The following ULK4 variants were observed in gnomAD, a reference collection of about 807,000 sequenced individuals.
ULK4 encodes inactive serine/threonine-protein kinase ULK4.
Under a neutral mutation model 160.6 loss-of-function variants are expected in ULK4, and 133 were observed. The observed-to-expected ratio is 0.83, with a 90% CI of 0.72 to 0.96. ULK4 has a LOEUF of 0.96. Among genes scored for constraint, ULK4 ranks in the 40% least tolerant of loss-of-function variants. The pLI, the probability that ULK4 is intolerant of heterozygous loss-of-function variation, is 0.00. For synonymous variants in ULK4, 534 were observed against 539.8 expected, an observed-to-expected ratio of 0.99 and a Z score of 0.15; for missense variants, 1,580 against 1,499.5, an observed-to-expected ratio of 1.05 and a Z score of -0.89.
intron 17 of ULK4, among the ~76,000 whole-genome samples, chr3:41,874,748 T>C (rs762585005): frequency 6.6e-6 from 1 of 152,140 alleles, no homozygotes; most frequent in Non-Finnish European, 1.5e-5. Flanking sequence ...ACATATTGAG[T>C]ACAGTGTACA....
In ULK4 at chr3:41,280,622, C is replaced by G. The variant is rs540007581; in HGVS notation, c.3679-31048G>C. 5.8e-4 allele frequency among the ~76,000 whole-genome samples: 89 copies of G among 152,306 alleles called. 1 individual carries two copies. The highest frequency in any genetic ancestry group is 1.8e-3 in the Admixed American group (27 of 15,286). ...TCTTGGAAACCAATGAGAACAAAGA[C>G]ACAATGTACCAGAATCTCTGGGACA... is the stretch of plus-strand genomic sequence containing the variant. On this transcript the variant is annotated intron_variant, in intron 35 of 36. Transcript: ENST00000301831.
At chr3:41,880,750 C>T (rs1465779518) in intron 17 of ULK4, among the ~76,000 whole-genome samples, 2 of 152,014 alleles carry the variant, frequency 1.3e-5, no homozygotes, top group Non-Finnish European at 2.9e-5. Context: ...ATGATGAAAC[C>T]GTGTCTCTAC....
At chr3:41,761,187 G>A (rs1339620222) in intron 21 of ULK4, among the ~76,000 whole-genome samples, 2 of 151,430 alleles carry the variant, frequency 1.3e-5, no homozygotes, top group African/African-American at 4.9e-5. Context: ...AAGAGTCTAT[G>A]GATATATTAA....
chr3:41,534,129 A>G (rs1026306357), intron 32 of ULK4, among the ~76,000 whole-genome samples: 1 of 152,224 alleles, frequency 6.6e-6, no homozygotes, highest in South Asian at 2.1e-4. Flanking sequence ...CTTTATTCTT[A>G]GAGCCCAAAC....
At chr3:41,590,461 C>CAAAAAAAAA (rs71075479) in intron 31 of ULK4, among the ~76,000 whole-genome samples, 656 of 55,796 alleles carry the variant, frequency 0.012, no homozygotes, top group Non-Finnish European at 0.015. Flanking sequence ...ACTAAAAATA[C>CAAAAAAAAA]AAAAAAAAAA....
At chr3:41,905,500 T>C (rs1022308914) in intron 12 of ULK4, among the ~76,000 whole-genome samples, 1 of 152,010 alleles carries the variant, frequency 6.6e-6, no homozygotes, top group Non-Finnish European at 1.5e-5. Context: ...AATTGGACTA[T>C]ATCAAAATTT....
intron 22 of ULK4, among the ~76,000 whole-genome samples, chr3:41,726,876 G>T (rs558829753): frequency 5.3e-4 from 80 of 152,232 alleles, no homozygotes; most frequent in African/African-American, 1.8e-3. Flanking sequence ...TTGAACTCCT[G>T]ACCTAAAATG....
Position 41,911,915 on chromosome 3 carries a change from G to A in ULK4, c.897-256C>T, listed in dbSNP as rs373124353. ...CACCTGTAATCCCCGCACTTTGGGA[G>A]GCCGAGGCAGACGGATCACTTGAAC... is the stretch of plus-strand genomic sequence containing the variant. On this transcript the variant is annotated intron_variant, in intron 9 of 36. Transcript: ENST00000301831. Among the ~76,000 whole-genome samples the A allele has an allele frequency of 2.6e-5, 4 of 152,228 alleles. No individual in the cohort carries two copies. In the East Asian group the frequency reaches 7.7e-4, roughly 29 times the overall value.
At chr3:41,780,455 T>C (rs2039800705) in intron 21 of ULK4, among the ~76,000 whole-genome samples, 1 of 151,914 alleles carries the variant, frequency 6.6e-6, no homozygotes, top group Admixed American at 6.6e-5. Flanking sequence ...CTTTTTAGAG[T>C]CAACGAAGCA....
chr3:41,442,557 T>C (rs977034724), intron 34 of ULK4, among the ~76,000 whole-genome samples: 4 of 152,154 alleles, frequency 2.6e-5, no homozygotes, highest in African/African-American at 9.7e-5. Flanking sequence ...AGAAATTAGG[T>C]TGCTCCATGA....
chr3:41,421,765 G>C (rs1007468756), intron 34 of ULK4, among the ~76,000 whole-genome samples: 2 of 152,018 alleles, frequency 1.3e-5, no homozygotes, highest in African/African-American at 4.8e-5. Context: ...ACTTATTATA[G>C]CTTCATGAAA....
rs564471857 is a variant in ULK4 at position 41,376,906 on chromosome 3, C to T, written c.3678+21173G>A. On this transcript the variant is annotated intron_variant, in intron 35 of 36. Coordinates refer to ENST00000301831, the MANE Select transcript of ULK4 (RefSeq NM_017886.4). Reference sequence around the variant, plus strand: ...GTTCATATGGAACCAAAAAAGAGCCCGCATCGCCAAGTCAATCCTAAGCCA... The same window carrying T: ...GTTCATATGGAACCAAAAAAGAGCCTGCATCGCCAAGTCAATCCTAAGCCA... Among the ~76,000 whole-genome samples the T allele has an allele frequency of 7.2e-4, 104 of 144,112 alleles. 5 individuals carry two copies. Among genetic ancestry groups the T allele is most frequent in the East Asian group, 1.3e-3 (5 of 3,994 alleles). The allele number at this position is 144,112 out of a possible 152,430, so 94.5% of individuals were successfully genotyped here.
At chr3:41,878,377 A>G (rs931727464) in intron 17 of ULK4, among the ~76,000 whole-genome samples, 8 of 152,216 alleles carry the variant, frequency 5.3e-5, no homozygotes, top group Non-Finnish European at 8.8e-5. Flanking sequence ...ATACATATAC[A>G]TATATACACC....
chr3:41,397,947 T>C, intron 35 of ULK4, 132 bp downstream of exon 35: 1 of 937,450 alleles, frequency 1.1e-6, no homozygotes, highest in African/African-American at 1.7e-5. Flanking sequence ...AGGAGAAAGG[T>C]GACTGGGAGT....
At chr3:41,926,875 A>G (rs967104525) in intron 5 of ULK4, among the ~76,000 whole-genome samples, 7 of 152,170 alleles carry the variant, frequency 4.6e-5, no homozygotes, top group Admixed American at 4.6e-4. Flanking sequence ...CGTTTGATTG[A>G]TGTACCTGAA....
intron 32 of ULK4, among the ~76,000 whole-genome samples, chr3:41,542,099 T>C (rs2086715014): frequency 6.6e-6 from 1 of 152,198 alleles, no homozygotes; most frequent in Admixed American, 6.5e-5. Context: ...TGTGCTGGTT[T>C]TCAAAGGGAA....
chr3:41,868,334 A>G (rs1352570554), intron 17 of ULK4, among the ~76,000 whole-genome samples: 1 of 152,190 alleles, frequency 6.6e-6, no homozygotes, highest in Non-Finnish European at 1.5e-5. Flanking sequence ...CATTATTATG[A>G]ACTGTTTTTA....
At chr3:41,590,088 C>T (rs932302217) in intron 31 of ULK4, among the ~76,000 whole-genome samples, 6 of 151,652 alleles carry the variant, frequency 4.0e-5, no homozygotes, top group African/African-American at 9.7e-5. Context: ...CTGTAACCTC[C>T]GCCTCCCGGA....
chr3:41,879,610 G>C (rs899320427), intron 17 of ULK4, among the ~76,000 whole-genome samples: 1 of 152,020 alleles, frequency 6.6e-6, no homozygotes, highest in African/African-American at 2.4e-5. Context: ...TCAGCCTCCT[G>C]AGTAGCTGGG....
Sources: allele counts gnomAD v4.1 joint callset (sites outside exome capture counted in the v4.1 genomes callset), GRCh38; gene constraint gnomAD v4.1.1; transcripts MANE v1.5; gene names NCBI Gene and HGNC (gene_info 2026-07-23, HGNC 2026-07-21).